The following CPSF7 variants were observed in gnomAD, a reference collection of about 807,000 sequenced individuals.
CPSF7 encodes cleavage and polyadenylation specific factor 7, also known as cleavage and polyadenylation specificity factor subunit 7.
A neutral mutation model predicts 44.3 loss-of-function variants in CPSF7; 1 was observed. The ratio of observed to expected loss-of-function variants is 0.02; its 90% confidence interval spans 0.01 to 0.11. CPSF7 has a LOEUF of 0.11. CPSF7 is among the 10% of genes least tolerant of loss of function. The pLI, the probability that CPSF7 is intolerant of heterozygous loss-of-function variation, is 1.00. For synonymous variants in CPSF7, 202 were observed against 222.0 expected (o/e 0.91, Z 0.80); for missense variants, 443 against 607.2 (o/e 0.73, Z 2.84).
At chr11:61,415,593 C>G in intron 7 of CPSF7, 73 bp downstream of exon 7, 1 of 973,778 alleles carries the variant, frequency 1.0e-6, no homozygotes, top group Non-Finnish European at 1.7e-6. Context: ...GAACTTTTGC[C>G]AGTAGAAATG....
chr11:61,427,759 A>G (rs1861527140), intron 2 of CPSF7, among the ~76,000 whole-genome samples: 1 of 152,232 alleles, frequency 6.6e-6, no homozygotes, highest in Non-Finnish European at 1.5e-5. Context: ...CTGCCATTAA[A>G]AAGTATAATT....
At chr11:61,419,896 C>A (rs144980293) in intron 5 of CPSF7, 53 bp downstream of exon 5, 10 of 1,600,764 alleles carry the variant, frequency 6.2e-6, no homozygotes, top group East Asian at 2.2e-5. Context: ...AAACACCCCC[C>A]CCTCATACAG....
intron 9 of CPSF7, among the ~76,000 whole-genome samples, chr11:61,409,694 G>C (rs1401997108): frequency 6.7e-6 from 1 of 149,070 alleles, no homozygotes; most frequent in African/African-American, 2.5e-5. Flanking sequence ...ATGGGGTCTC[G>C]GCCAGGCATG....
At chr11:61,424,957 G>C (rs1344108045) in intron 2 of CPSF7, among the ~76,000 whole-genome samples, 1 of 152,192 alleles carries the variant, frequency 6.6e-6, no homozygotes, top group South Asian at 2.1e-4. Context: ...ACAGCTCAGA[G>C]ACCAAATGCA....
At chr11:61,422,019 C>A (rs1565115217) in intron 2 of CPSF7, among the ~76,000 whole-genome samples, 2 of 152,142 alleles carry the variant, frequency 1.3e-5, no homozygotes, top group African/African-American at 4.8e-5. Context: ...TCAAGTGTTA[C>A]ATAAAATTCA....
intron 9 of CPSF7, 31 bp downstream of exon 9, chr11:61,410,907 C>A: frequency 1.3e-6 from 2 of 1,535,678 alleles, no homozygotes; most frequent in Non-Finnish European, 8.7e-7. Flanking sequence ...TAAAAAATCC[C>A]CCAGCAGCCA....
rs1257985221 is a variant in CPSF7, at chr11:61,402,856, G to A, written c.*1854C>T. The A allele has an allele frequency of 6.6e-6, 1 of 152,370 alleles. No individual in the cohort carries two copies. Among genetic ancestry groups the A allele is most frequent in the African/African-American group, 2.4e-5 (1 of 41,370 alleles). The allele number at this position is 152,370 out of a possible 1,614,324, so 9.4% of individuals were successfully genotyped here. A position where few individuals can be genotyped will look rare whatever the true frequency, so the allele number is the denominator to read the frequency against. Reference sequence around the variant, plus strand: ...GTGTTTTTTTTCCTTTTGCTATCAGGAAATAAAACTAAAAATGGTGTCATT... The same window carrying A: ...GTGTTTTTTTTCCTTTTGCTATCAGAAAATAAAACTAAAAATGGTGTCATT... On this transcript the variant is annotated 3_prime_UTR_variant, in exon 10 of 10. Transcript: ENST00000439958.
chr11:61,404,460 G>A lies in CPSF7; in HGVS notation c.*250C>T, dbSNP rs1859127386. The stretch of plus-strand genomic sequence containing the variant: ...AGGGGCCTGGACATGTTTTCTTCCT[G>A]TCTGCCACCCCTCCCAATCACACGA... On this transcript the variant is annotated 3_prime_UTR_variant, in exon 10 of 10. Transcript: ENST00000439958. The A allele has an allele frequency of 6.6e-6, 1 of 152,290 alleles. No homozygotes were observed. Among genetic ancestry groups the A allele is most frequent in the South Asian group, 2.1e-4 (1 of 4,826 alleles). 9.4% of individuals were successfully genotyped at this position (152,290 alleles called of 1,614,324 possible). A position where few individuals can be genotyped will look rare whatever the true frequency, so the allele number is the denominator to read the frequency against.
At chr11:61,424,371 G>A (rs1317502083) in intron 2 of CPSF7, among the ~76,000 whole-genome samples, 1 of 152,204 alleles carries the variant, frequency 6.6e-6, no homozygotes, top group Non-Finnish European at 1.5e-5. Context: ...TTGCTCCTGT[G>A]GTTCAAGGTA....
Position 61,404,162 on chromosome 11 carries a change from G to C in CPSF7, c.*548C>G, listed in dbSNP as rs978182082. 1 of 152,622 alleles carries C rather than the reference G, an allele frequency of 6.6e-6. No homozygotes were observed. The highest frequency in any genetic ancestry group is 6.5e-5 in the Admixed American group (1 of 15,284). The allele number at this position is 152,622 out of a possible 1,614,324, so 9.5% of individuals were successfully genotyped here. ...TTCATAAGGTAATTTCTGTTCTCAT[G>C]GTCCCTCCTCAAAGGGCTGGAAAGG... On this transcript the variant is annotated 3_prime_UTR_variant, in exon 10 of 10. Transcript: ENST00000439958.
intron 2 of CPSF7, 186 bp downstream of exon 2, chr11:61,428,996 G>A (rs1368700442): frequency 9.0e-6 from 4 of 444,502 alleles, no homozygotes; most frequent in Admixed American, 7.1e-5. Context: ...AATTAAGCCT[G>A]GAGCTTCAAA....
chr11:61,423,105 C>CAAAAAAAA lies in CPSF7; in HGVS notation c.55-1505_55-1498dup, dbSNP rs71471824. Among the ~76,000 whole-genome samples the CAAAAAAAA allele has an allele frequency of 3.1e-4, 16 of 52,260 alleles. 1 individual carries two copies. The highest frequency in any genetic ancestry group is 7.1e-4 in the African/African-American group (8 of 11,280). 34.3% of individuals were successfully genotyped at this position (52,260 alleles called of 152,430 possible). ...TGGGCAACAGAGTGAGACCCCATATCAAAAAAAAAAAAAAAAAAAAAAAAA... is the reference window on the plus strand; with the variant it reads ...TGGGCAACAGAGTGAGACCCCATATCAAAAAAAAAAAAAAAAAAAAAAAAAAAAAAAAA... On this transcript the variant is annotated intron_variant, in intron 2 of 9. Coordinates refer to ENST00000439958, the MANE Select transcript of CPSF7 (RefSeq NM_001142565.3).
intron 3 of CPSF7, 93 bp downstream of exon 3, chr11:61,421,296 CA>C: frequency 8.7e-7 from 1 of 1,148,150 alleles, no homozygotes; most frequent in Non-Finnish European, 1.3e-6. Context: ...CATCAGAGCA[CA>C]AAACAGTGCA....
intron 3 of CPSF7, chr11:61,420,970 A>G (rs1860811488): frequency 1.2e-6 from 1 of 813,528 alleles, no homozygotes; most frequent in African/African-American, 1.7e-5. Context: ...GCCCCAAAAC[A>G]TCACAAAATA....
chr11:61,426,475 C>T (rs1861352528), intron 2 of CPSF7: 1 of 152,198 alleles, frequency 6.6e-6, no homozygotes, highest in East Asian at 1.9e-4. Context: ...ACACTTTCTT[C>T]AGCTTGCCTA....
rs1305272675 is a variant in CPSF7 at position 61,420,732 on chromosome 11, C to A, written c.274-159G>T. On this transcript the variant is annotated intron_variant, in intron 3 of 9. Transcript: ENST00000439958. ...GTGCAGACTTTTCTTATTGTCCTCA[C>A]CCATACAGAATTCCAAACCCACTCA... 8.1e-6 allele frequency: 5 copies of A among 619,280 alleles called. No individual in the cohort carries two copies. The East Asian group carries it at 1.4e-4, about 17-fold the overall frequency. The allele number at this position is 619,280 out of a possible 1,614,324, so 38.4% of individuals were successfully genotyped here.
In CPSF7 at chr11:61,402,901, G is replaced by A. The variant is rs1859002003; in HGVS notation, c.*1809C>T. On this transcript the variant is annotated 3_prime_UTR_variant, in exon 10 of 10. Coordinates refer to ENST00000439958, the MANE Select transcript of CPSF7 (RefSeq NM_001142565.3). ...GTCATTGAGTAAAAACAAAACAAAT[G>A]GGGAGAAAAAAATTCTCCGGGTAAA... The A allele has an allele frequency of 6.6e-6, 1 of 152,264 alleles. No individual in the cohort carries two copies. Among genetic ancestry groups the A allele is most frequent in the Admixed American group, 6.6e-5 (1 of 15,248 alleles). The allele number at this position is 152,264 out of a possible 1,614,324, so 9.4% of individuals were successfully genotyped here.
At position 61,404,027 on chromosome 11, in the gene CPSF7, AG is replaced by A. The variant is rs1231288425; in HGVS notation, c.*682del. The A allele has an allele frequency of 1.3e-5, 2 of 152,680 alleles. No homozygotes were observed. Among genetic ancestry groups the A allele is most frequent in the Non-Finnish European group, 1.5e-5 (1 of 68,054 alleles). The allele number at this position is 152,680 out of a possible 1,614,324, so 9.5% of individuals were successfully genotyped here. A position where few individuals can be genotyped will look rare whatever the true frequency, so the allele number is the denominator to read the frequency against. The stretch of plus-strand genomic sequence containing the variant: ...AGGCCTTCTCTGCTTAGGAGGGGCA[AG>A]TCCACTGAGAAGGCTGGGCAGCGCA... On this transcript the variant is annotated 3_prime_UTR_variant, in exon 10 of 10. Coordinates refer to ENST00000439958, the MANE Select transcript of CPSF7 (RefSeq NM_001142565.3).
chr11:61,419,878 A>C (rs757293679), intron 5 of CPSF7, 71 bp downstream of exon 5: 10 of 1,576,300 alleles, frequency 6.3e-6, no homozygotes, highest in Non-Finnish European at 8.6e-6. Flanking sequence ...CATAGAAAAC[A>C]AACCCACAAA....
Sources: gnomAD v4.1 joint callset for allele counts (sites outside exome capture counted in the v4.1 genomes callset) on GRCh38, gnomAD v4.1.1 for gene constraint, MANE v1.5 for transcripts, NCBI Gene and HGNC (gene_info 2026-07-23, HGNC 2026-07-21) for gene names.